The following UNC5D variants were observed in gnomAD, a reference collection of about 807,000 sequenced individuals.
The protein encoded by UNC5D is netrin receptor UNC5D.
UNC5D carries 39 observed loss-of-function variants against 105.4 expected under a neutral mutation model. The observed-to-expected ratio is 0.37, with a 90% CI of 0.29 to 0.48. The LOEUF (loss-of-function observed/expected upper bound fraction) is 0.48. Among genes scored for constraint, UNC5D ranks in the 20% least tolerant of loss-of-function variants. UNC5D has a pLI of 0.98. For synonymous variants in UNC5D, 452 were observed against 450.4 expected (o/e 1.00, Z -0.04); for missense variants, 991 against 1,202.4 (o/e 0.82, Z 2.60).
chr8:35,462,228 T>G (rs921126099), intron 1 of UNC5D, among the ~76,000 whole-genome samples: 2 of 152,292 alleles, frequency 1.3e-5, no homozygotes, highest in East Asian at 3.9e-4. Context: ...AAGGTTTTTT[T>G]TTAACAACCT....
intron 1 of UNC5D, among the ~76,000 whole-genome samples, chr8:35,444,070 T>C (rs1807614450): frequency 1.3e-5 from 2 of 152,070 alleles, no homozygotes; most frequent in Non-Finnish European, 2.9e-5. Context: ...GTCTTTCTTA[T>C]CTAATGTTAA....
At chr8:35,537,840 C>T (rs1814952963) in intron 1 of UNC5D, among the ~76,000 whole-genome samples, 1 of 151,746 alleles carries the variant, frequency 6.6e-6, no homozygotes, top group Admixed American at 6.6e-5. Flanking sequence ...AGAGGATGGT[C>T]ACAGGATTTT....
intron 11 of UNC5D, among the ~76,000 whole-genome samples, chr8:35,742,580 G>A (rs1318520679): frequency 6.6e-6 from 1 of 152,144 alleles, no homozygotes; most frequent in Non-Finnish European, 1.5e-5. Flanking sequence ...AGACCACAAG[G>A]AGGAAAGGAG....
At chr8:35,527,041 G>T (rs1813927896) in intron 1 of UNC5D, among the ~76,000 whole-genome samples, 1 of 152,018 alleles carries the variant, frequency 6.6e-6, no homozygotes, top group South Asian at 2.1e-4. Context: ...TTAGAGAAAA[G>T]ATTTTTTAAA....
chr8:35,647,458 C>T (rs950514957), intron 4 of UNC5D, among the ~76,000 whole-genome samples: 3 of 151,732 alleles, frequency 2.0e-5, no homozygotes, highest in African/African-American at 7.3e-5. Flanking sequence ...TCTTTAGGAA[C>T]ACCCAGAATT....
intron 8 of UNC5D, among the ~76,000 whole-genome samples, chr8:35,715,977 G>A (rs1331205502): frequency 6.6e-6 from 1 of 152,114 alleles, no homozygotes; most frequent in Non-Finnish European, 1.5e-5. Flanking sequence ...TTTGGCCATA[G>A]AATGTGAATA....
intron 1 of UNC5D, among the ~76,000 whole-genome samples, chr8:35,247,653 T>A (rs1299113669): frequency 1.7e-4 from 8 of 47,838 alleles, no homozygotes; most frequent in Non-Finnish European, 2.7e-4. Context: ...ATATATTATA[T>A]ATAAAATATA....
intron 1 of UNC5D, among the ~76,000 whole-genome samples, chr8:35,340,132 C>G (rs969687912): frequency 2.6e-5 from 4 of 152,126 alleles, no homozygotes; most frequent in African/African-American, 9.7e-5. Flanking sequence ...TGTTCTTTTC[C>G]TGCTTCACTG....
chr8:35,382,523 G>A lies in UNC5D; in HGVS notation c.103+146636G>A, dbSNP rs989684237. 1.7e-4 allele frequency among the ~76,000 whole-genome samples: 26 copies of A among 152,170 alleles called. 1 individual carries two copies. The South Asian group carries it at 2.1e-3, about 12-fold the overall frequency. On this transcript the variant is annotated intron_variant, in intron 1 of 16. Coordinates refer to ENST00000404895, the MANE Select transcript of UNC5D (RefSeq NM_080872.4). ...TTTGCTGGTTTGGGATTTTAAAGAT[G>A]TATTATTTATAAAAGTACAGTTTTT... is the stretch of plus-strand genomic sequence containing the variant.
chr8:35,695,219 T>A (rs552713697), intron 7 of UNC5D, among the ~76,000 whole-genome samples: 1 of 152,304 alleles, frequency 6.6e-6, no homozygotes, highest in East Asian at 1.9e-4. Context: ...TCCTAGAGCT[T>A]CTGATAAGTA....
chr8:35,664,059 C>A (rs748635532), intron 4 of UNC5D, among the ~76,000 whole-genome samples: 1 of 152,200 alleles, frequency 6.6e-6, no homozygotes, highest in Non-Finnish European at 1.5e-5. Flanking sequence ...GGGGTGCTGA[C>A]ATTCCAGATG....
intron 8 of UNC5D, among the ~76,000 whole-genome samples, chr8:35,720,580 G>A (rs1297912412): frequency 6.6e-6 from 1 of 152,092 alleles, no homozygotes; most frequent in Non-Finnish European, 1.5e-5. Context: ...TTGAGTAGAG[G>A]GAAGGTGGGA....
At chr8:35,525,505 G>A in intron 1 of UNC5D, 1 of 1,612,328 alleles carries the variant, frequency 6.2e-7, no homozygotes, top group East Asian at 2.2e-5. Context: ...TTGCTGGCAA[G>A]CTTACTAACA....
chr8:35,545,262 T>G (rs1263017879), intron 1 of UNC5D, among the ~76,000 whole-genome samples: 2 of 152,240 alleles, frequency 1.3e-5, no homozygotes, highest in Admixed American at 1.3e-4. Context: ...GAATAGAATC[T>G]GTCAGCAATT....
At chr8:35,253,370 C>A (rs2128813521) in intron 1 of UNC5D, among the ~76,000 whole-genome samples, 2 of 149,664 alleles carry the variant, frequency 1.3e-5, no homozygotes, top group Admixed American at 1.3e-4. Flanking sequence ...TCCATACTTT[C>A]TTCTAAAGTC....
chr8:35,496,943 C>A (rs538352530), intron 1 of UNC5D, among the ~76,000 whole-genome samples: 2 of 152,110 alleles, frequency 1.3e-5, no homozygotes, highest in Admixed American at 6.5e-5. Context: ...AGAAAAAAGT[C>A]TTTTCCTCAC....
intron 4 of UNC5D, among the ~76,000 whole-genome samples, chr8:35,623,478 C>A (rs1250030403): frequency 2.0e-5 from 3 of 152,174 alleles, no homozygotes. Context: ...TTTTCAGCAT[C>A]CTCTTTTCTG....
chr8:35,316,112 A>G (rs1809286825), intron 1 of UNC5D, among the ~76,000 whole-genome samples: 1 of 152,184 alleles, frequency 6.6e-6, no homozygotes, highest in Non-Finnish European at 1.5e-5. Context: ...TAGTATATTG[A>G]AGGAAGACTG....
intron 14 of UNC5D, among the ~76,000 whole-genome samples, chr8:35,766,444 T>C (rs1801770897): frequency 6.6e-6 from 1 of 152,204 alleles, no homozygotes; most frequent in South Asian, 2.1e-4. Flanking sequence ...CATGAGTTTG[T>C]GGTGTGGAGT....
Sources: gnomAD v4.1 joint callset for allele counts (sites outside exome capture counted in the v4.1 genomes callset) on GRCh38, gnomAD v4.1.1 for gene constraint, MANE v1.5 for transcripts, NCBI Gene and HGNC (gene_info 2026-07-23, HGNC 2026-07-21) for gene names.